Variants in ZNRF1 observed in about 807,000 individuals in gnomAD.
ZNRF1 encodes zinc and ring finger 1, also known as E3 ubiquitin-protein ligase ZNRF1.
Under a neutral mutation model 18.4 loss-of-function variants are expected in ZNRF1, and 3 were observed. The ratio of observed to expected loss-of-function variants is 0.16; its 90% confidence interval spans 0.07 to 0.42. The LOEUF (loss-of-function observed/expected upper bound fraction) is 0.42. ZNRF1 is among the 10% of genes least tolerant of loss of function. ZNRF1 has a pLI of 0.99. For missense variants in ZNRF1, 310 were observed against 329.8 expected (o/e 0.94, Z 0.47); for synonymous variants, 157 against 144.2 (o/e 1.09, Z -0.64).
chr16:75,030,432 G>GA (rs140274027), intron 1 of ZNRF1, among the ~76,000 whole-genome samples: 39 of 144,528 alleles, frequency 2.7e-4, no homozygotes, highest in East Asian at 4.0e-4. Context: ...GTAGCTGGAG[G>GA]AAAAAAAAAA....
At chr16:75,083,203 C>A (rs2036035740) in intron 1 of ZNRF1, among the ~76,000 whole-genome samples, 1 of 152,144 alleles carries the variant, frequency 6.6e-6, no homozygotes, top group Non-Finnish European at 1.5e-5. Context: ...ACAGATTTAC[C>A]AGCAAGCTTC....
Position 74,999,815 on chromosome 16 carries a change from C to T in ZNRF1, c.144C>T (p.Ser48=). The change falls in exon 1 of 5, where the codon AGC becomes AGT. Residue 48 remains serine (S), a synonymous_variant. Coordinates refer to ENST00000335325, the MANE Select transcript of ZNRF1 (RefSeq NM_032268.5). The part of the protein sequence containing the change: ...RTGGGAMGLR[S]RSVSSVAGMG... The stretch of plus-strand genomic sequence containing the variant: ...GCGGCGGGGCCATGGGGCTGCGCAG[C>T]CGCTCGGTCAGCTCGGTGGCAGGCA... The T allele has an allele frequency of 1.4e-6, 2 of 1,445,600 alleles. No homozygotes were observed. Among genetic ancestry groups the T allele is most frequent in the Non-Finnish European group, 9.1e-7 (1 of 1,104,888 alleles). 89.5% of individuals were successfully genotyped at this position (1,445,600 alleles called of 1,614,324 possible). A position where few individuals can be genotyped will look rare whatever the true frequency, so the allele number is the denominator to read the frequency against.
At chr16:75,100,000 CTCCTGCT>C (rs2145427357) in intron 2 of ZNRF1, among the ~76,000 whole-genome samples, 1 of 152,322 alleles carries the variant, frequency 6.6e-6, no homozygotes, top group East Asian at 1.9e-4. Flanking sequence ...TGCCTCCTGC[CTCCTGCT>C]GTGGAAGAAT....
chr16:75,047,669 T>C (rs959200209), intron 1 of ZNRF1, among the ~76,000 whole-genome samples: 2 of 152,218 alleles, frequency 1.3e-5, no homozygotes, highest in Non-Finnish European at 2.9e-5. Flanking sequence ...GTAGATTTTC[T>C]TGCCTTTCCT....
intron 1 of ZNRF1, among the ~76,000 whole-genome samples, chr16:75,048,795 C>T (rs79116717): frequency 6.6e-6 from 1 of 152,142 alleles, no homozygotes; most frequent in Non-Finnish European, 1.5e-5. Context: ...TGATCTGTAG[C>T]TGCCAACTCT....
At chr16:75,065,908 C>T (rs964840831) in intron 1 of ZNRF1, among the ~76,000 whole-genome samples, 9 of 152,278 alleles carry the variant, frequency 5.9e-5, no homozygotes, top group South Asian at 2.1e-4. Flanking sequence ...ATGTGGAAGC[C>T]GCTGCTGCTC....
At chr16:75,048,447 G>C (rs973698179) in intron 1 of ZNRF1, among the ~76,000 whole-genome samples, 1 of 152,104 alleles carries the variant, frequency 6.6e-6, no homozygotes, top group Non-Finnish European at 1.5e-5. Context: ...TGCTGGCTTG[G>C]CTCTCTAATT....
In ZNRF1 at chr16:75,110,422, G is replaced by A. The variant is rs1370311781; in HGVS notation, c.*2722G>A. The A allele has an allele frequency of 1.3e-5, 2 of 152,228 alleles. No individual in the cohort carries two copies. The highest frequency in any genetic ancestry group is 2.4e-5 in the African/African-American group (1 of 41,450). 9.4% of individuals were successfully genotyped at this position (152,228 alleles called of 1,614,324 possible). A position where few individuals can be genotyped will look rare whatever the true frequency, so the allele number is the denominator to read the frequency against. On this transcript the variant is annotated 3_prime_UTR_variant, in exon 5 of 5. Coordinates refer to ENST00000335325, the MANE Select transcript of ZNRF1 (RefSeq NM_032268.5). ...ACACTTTGATGAGGTTCCTGGACGT[G>A]AGACCCTCACAAAGACCAACCATTC... is the stretch of plus-strand genomic sequence containing the variant.
intron 1 of ZNRF1, among the ~76,000 whole-genome samples, chr16:75,068,651 C>G (rs1262853920): frequency 2.0e-5 from 3 of 152,078 alleles, no homozygotes; most frequent in African/African-American, 7.2e-5. Flanking sequence ...GTGAGGGCCT[C>G]CGAGACCAGC....
At position 75,072,922 on chromosome 16, in the gene ZNRF1, G is replaced by A. The variant is rs1022911296; in HGVS notation, c.425-20650G>A. On this transcript the variant is annotated intron_variant, in intron 1 of 4. Transcript: ENST00000335325. The stretch of plus-strand genomic sequence containing the variant: ...TCTGAGATGCAGATACTGTGTTGGT[G>A]TAGTGATGGGCCCCAGTGCTACTGT... Among the ~76,000 whole-genome samples, 10 of 152,282 alleles carry A rather than the reference G, an allele frequency of 6.6e-5. No individual in the cohort carries two copies. The East Asian group carries it at 1.9e-3, about 29-fold the overall frequency.
rs1197576019 is a variant in ZNRF1, at chr16:75,031,163, G to C, written c.424+31068G>C. On this transcript the variant is annotated intron_variant, in intron 1 of 4. Coordinates refer to ENST00000335325, the MANE Select transcript of ZNRF1 (RefSeq NM_032268.5). ...TTTTTTTTTTTTTAGACAGAGTCTTGCTCTGTTGCCCAGGCTGGAGTGAAC... is the reference window on the plus strand; with the variant it reads ...TTTTTTTTTTTTTAGACAGAGTCTTCCTCTGTTGCCCAGGCTGGAGTGAAC... Among the ~76,000 whole-genome samples the C allele has an allele frequency of 7.4e-5, 11 of 148,212 alleles. No individual in the cohort carries two copies. The South Asian group carries it at 1.1e-3, about 14-fold the overall frequency.
intron 1 of ZNRF1, among the ~76,000 whole-genome samples, chr16:75,051,809 C>T (rs934916044): frequency 1.3e-5 from 2 of 152,244 alleles, no homozygotes; most frequent in African/African-American, 4.8e-5. Flanking sequence ...AGCCACAGCA[C>T]ACAGCCCATC....
intron 1 of ZNRF1, among the ~76,000 whole-genome samples, chr16:75,063,532 T>C (rs1419596235): frequency 6.6e-6 from 1 of 152,154 alleles, no homozygotes; most frequent in East Asian, 1.9e-4. Context: ...TGGAAAAATA[T>C]ATGGTGGTAT....
intron 1 of ZNRF1, among the ~76,000 whole-genome samples, chr16:75,045,238 C>T (rs185251681): frequency 3.2e-4 from 49 of 152,254 alleles, no homozygotes; most frequent in African/African-American, 1.1e-3. Context: ...ATAACCCTGG[C>T]CAGGGCTCAA....
Position 74,999,205 on chromosome 16 carries a change from C to G in ZNRF1, c.-467C>G, listed in dbSNP as rs988348510. 1 of 147,110 alleles carries G rather than the reference C, an allele frequency of 6.8e-6. No individual in the cohort carries two copies. Among genetic ancestry groups the G allele is most frequent in the Non-Finnish European group, 1.5e-5 (1 of 66,156 alleles). The allele number at this position is 147,110 out of a possible 1,614,324, so 9.1% of individuals were successfully genotyped here. ...CGAGGCCTGGAGGGGTCCGGGCCGC[C>G]GTCCATGGTCGCGGCGTCCTGAGGC... On this transcript the variant is annotated 5_prime_UTR_variant, in exon 1 of 5. Transcript: ENST00000335325.
At chr16:75,000,692 C>T (rs1394568716) in intron 1 of ZNRF1, among the ~76,000 whole-genome samples, 1 of 152,184 alleles carries the variant, frequency 6.6e-6, no homozygotes, top group Non-Finnish European at 1.5e-5. Flanking sequence ...AGGGCCCAGC[C>T]GGCGAGTCTC....
At position 74,999,725 on chromosome 16, in the gene ZNRF1, C is replaced by T. The variant is rs1206299317; in HGVS notation, c.54C>T (p.Val18=). The T allele has an allele frequency of 1.4e-6, 2 of 1,379,462 alleles. No homozygotes were observed. Among genetic ancestry groups the T allele is most frequent in the African/African-American group, 1.5e-5 (1 of 64,942 alleles). 85.5% of individuals were successfully genotyped at this position (1,379,462 alleles called of 1,614,324 possible). The part of the protein sequence containing the change: ...AARSRGPFPG[V]STDDSAVPPP... ...GCTCCCGGGGCCCCTTCCCGGGGGT[C>T]TCCACCGATGACAGCGCCGTGCCGC... The change falls in exon 1 of 5, where the codon GTC becomes GTT. Residue 18 remains valine (V), a synonymous_variant. Coordinates refer to ENST00000335325, the MANE Select transcript of ZNRF1 (RefSeq NM_032268.5).
intron 1 of ZNRF1, among the ~76,000 whole-genome samples, chr16:75,059,603 C>T (rs1248884751): frequency 2.6e-5 from 4 of 151,728 alleles, no homozygotes; most frequent in Non-Finnish European, 4.4e-5. Context: ...TCGTAGGAAC[C>T]GGTTTTTCAG....
At chr16:75,038,602 A>T (rs185804697) in intron 1 of ZNRF1, among the ~76,000 whole-genome samples, 3 of 152,232 alleles carry the variant, frequency 2.0e-5, no homozygotes, top group African/African-American at 7.2e-5. Context: ...TGTTGCAACT[A>T]TCTTTAGAAA....
Sources: allele counts gnomAD v4.1 joint callset (sites outside exome capture counted in the v4.1 genomes callset), GRCh38; gene constraint gnomAD v4.1.1; transcripts MANE v1.5; gene names NCBI Gene and HGNC (gene_info 2026-07-23, HGNC 2026-07-21).